GPT2: variants seen among roughly 807,000 people sequenced by gnomAD.
GPT2 encodes the protein glutamic--pyruvic transaminase 2.
A neutral mutation model predicts 56.9 loss-of-function variants in GPT2; 30 were observed. That is an observed-to-expected ratio of 0.53 (90% confidence interval 0.39 to 0.72). The LOEUF (loss-of-function observed/expected upper bound fraction) is 0.72. Ranked by LOEUF, GPT2 falls within the 30% of genes least tolerant of loss-of-function variation. The pLI is 0.00. For missense variants in GPT2, 542 were observed against 703.4 expected (o/e 0.77, Z 2.60); for synonymous variants, 271 against 283.1 (o/e 0.96, Z 0.43).
chr16:46,900,124 G>C (rs930169719), intron 3 of GPT2, among the ~76,000 whole-genome samples: 1 of 152,180 alleles, frequency 6.6e-6, no homozygotes, highest in African/African-American at 2.4e-5. Flanking sequence ...GGGGTTACCA[G>C]CACTTTTGTA....
At chr16:46,919,007 C>T (rs1310509719) in intron 8 of GPT2, among the ~76,000 whole-genome samples, 1 of 152,228 alleles carries the variant, frequency 6.6e-6, no homozygotes, top group Non-Finnish European at 1.5e-5. Flanking sequence ...TACATGGCAG[C>T]TTGCGACACC....
intron 8 of GPT2, among the ~76,000 whole-genome samples, chr16:46,919,894 G>A (rs1260219083): frequency 6.6e-6 from 1 of 152,134 alleles, no homozygotes; most frequent in Non-Finnish European, 1.5e-5. Flanking sequence ...GAAAAGACAG[G>A]TGTGGGAGAG....
intron 11 of GPT2, among the ~76,000 whole-genome samples, chr16:46,927,902 T>C (rs928467771): frequency 6.6e-6 from 1 of 151,942 alleles, no homozygotes; most frequent in Admixed American, 6.6e-5. Context: ...GGAAATTCCT[T>C]TGGAGCAGAG....
intron 2 of GPT2, among the ~76,000 whole-genome samples, chr16:46,886,879 T>C (rs1960493874): frequency 6.6e-6 from 1 of 152,118 alleles, no homozygotes. Flanking sequence ...CCTGAGTTAG[T>C]TGAGTTTTTT....
At chr16:46,927,060 G>A in intron 11 of GPT2, 23 bp downstream of exon 11, 1 of 1,465,574 alleles carries the variant, frequency 6.8e-7, no homozygotes, top group Admixed American at 2.0e-5. Context: ...CTCCGCACTA[G>A]GGGCTGGTCC....
At chr16:46,898,518 A>G (rs559729921) in intron 3 of GPT2, among the ~76,000 whole-genome samples, 1 of 152,092 alleles carries the variant, frequency 6.6e-6, no homozygotes, top group Non-Finnish European at 1.5e-5. Flanking sequence ...AGAAGGACTG[A>G]GGCCTGTTTT....
chr16:46,917,933 C>T lies in GPT2; in HGVS notation c.901-688C>T, dbSNP rs561171810. On this transcript the variant is annotated intron_variant, in intron 7 of 11. Coordinates refer to ENST00000340124, the MANE Select transcript of GPT2 (RefSeq NM_133443.4). ...CCTTCTGGGTCTGGGAAGAGGAGGA[C>T]GAGGAGGACAGGGCCTGGCTTGGCA... Among the ~76,000 whole-genome samples the T allele has an allele frequency of 2.6e-4, 40 of 152,224 alleles. No homozygotes were observed. In the Middle Eastern group the frequency reaches 0.014, roughly 52 times the overall value.
chr16:46,924,443 C>T lies in GPT2; in HGVS notation c.1267C>T (p.Leu423=). The T allele has an allele frequency of 6.2e-7, 1 of 1,614,222 alleles. No homozygotes were observed. Among genetic ancestry groups the T allele is most frequent in the Non-Finnish European group, 8.5e-7 (1 of 1,180,032 alleles). The change falls in exon 10 of 12, where the codon CTG becomes TTG. Residue 423 remains leucine (L), a synonymous_variant. Transcript: ENST00000340124. ...CAAAAAAGCAAAGCTGACGGAAGAC[C>T]TGTTTAACCAAGTCCCAGGAATTCA... ...LAKKAKLTED[L]FNQVPGIHCN...
rs183709322 is a variant in GPT2 at position 46,924,504 on chromosome 16, C to A, written c.1328C>A (p.Pro443His). Residue 443 changes from proline (P) to histidine (H), a missense_variant, in exon 10 of 12, where the codon CCT (proline) becomes CAT (histidine). Pro to His is a moderately conservative substitution (Grantham distance 77). Coordinates refer to ENST00000340124, the MANE Select transcript of GPT2 (RefSeq NM_133443.4). ...NPLQGAMYAF[P>H]RIFIPAKAVE... ...TTGCAGGGGGCCATGTACGCCTTCC[C>A]TCGGATCTTCATTCCTGCCAAAGCT... 4 of 1,614,236 alleles carry A rather than the reference C, an allele frequency of 2.5e-6. No homozygotes were observed. Among genetic ancestry groups the A allele is most frequent in the Admixed American group, 1.7e-5 (1 of 60,026 alleles).
chr16:46,910,031 A>G (rs948102300), intron 6 of GPT2, 104 bp downstream of exon 6: 5 of 1,406,504 alleles, frequency 3.6e-6, no homozygotes, highest in African/African-American at 2.9e-5. Flanking sequence ...CTCTGCCCCT[A>G]GTTTCCCTTC....
At chr16:46,906,754 A>T in intron 4 of GPT2, 88 bp from the exon 5 acceptor site, 1 of 1,544,232 alleles carries the variant, frequency 6.5e-7, no homozygotes, top group Non-Finnish European at 8.9e-7. Flanking sequence ...CCAAACAGGC[A>T]TCCCTCTAAT....
At position 46,907,529 on chromosome 16, in the gene GPT2, G is replaced by C. The variant is rs1272407405; in HGVS notation, c.576+554G>C. Among the ~76,000 whole-genome samples the C allele has an allele frequency of 2.0e-5, 3 of 152,334 alleles. No homozygotes were observed. In the South Asian group the frequency reaches 6.2e-4, roughly 32 times the overall value. The stretch of plus-strand genomic sequence containing the variant: ...CCTGAGGGACACACAGGAGTGAACT[G>C]GGAGAGGGGGTGTGCTCTGAGCTGA... On this transcript the variant is annotated intron_variant, in intron 5 of 11. Coordinates refer to ENST00000340124, the MANE Select transcript of GPT2 (RefSeq NM_133443.4).
intron 4 of GPT2, among the ~76,000 whole-genome samples, chr16:46,904,734 G>A (rs1446751929): frequency 6.6e-6 from 1 of 152,146 alleles, no homozygotes; most frequent in Non-Finnish European, 1.5e-5. Flanking sequence ...AGAAGGTGGG[G>A]CATTGAAAAG....
chr16:46,909,197 C>T (rs1235195517), intron 5 of GPT2, among the ~76,000 whole-genome samples: 1 of 152,102 alleles, frequency 6.6e-6, no homozygotes, highest in African/African-American at 2.4e-5. Flanking sequence ...ATCAGGATTA[C>T]AGGAGCAGGG....
chr16:46,920,783 C>T (rs1961272601), intron 8 of GPT2, among the ~76,000 whole-genome samples: 1 of 152,096 alleles, frequency 6.6e-6, no homozygotes. Context: ...GCTTGACTTC[C>T]TTTTGCTCTG....
intron 2 of GPT2, among the ~76,000 whole-genome samples, chr16:46,890,421 A>G (rs1960564662): frequency 6.6e-6 from 1 of 151,908 alleles, no homozygotes; most frequent in African/African-American, 2.4e-5. Context: ...CCCCCTTCTT[A>G]TTCTTCACCA....
At chr16:46,890,701 A>T (rs924410585) in intron 2 of GPT2, among the ~76,000 whole-genome samples, 1 of 152,200 alleles carries the variant, frequency 6.6e-6, no homozygotes, top group Non-Finnish European at 1.5e-5. Flanking sequence ...TAACATTTAT[A>T]TACATTCTAT....
chr16:46,910,706 C>T (rs1961033276), intron 6 of GPT2, among the ~76,000 whole-genome samples: 1 of 152,152 alleles, frequency 6.6e-6, no homozygotes, highest in South Asian at 2.1e-4. Flanking sequence ...GGAGATCTTC[C>T]TGTCTCAGCC....
At chr16:46,906,205 T>C (rs1279863582) in intron 4 of GPT2, among the ~76,000 whole-genome samples, 4 of 152,134 alleles carry the variant, frequency 2.6e-5, no homozygotes, top group Non-Finnish European at 5.9e-5. Flanking sequence ...TCCAAGTAGC[T>C]GGGACTATAG....
Sources: gnomAD v4.1 joint callset for allele counts (sites outside exome capture counted in the v4.1 genomes callset) on GRCh38, gnomAD v4.1.1 for gene constraint, MANE v1.5 for transcripts, NCBI Gene and HGNC (gene_info 2026-07-23, HGNC 2026-07-21) for gene names.